STX2: variants seen among roughly 807,000 people sequenced by gnomAD.
STX2 encodes the protein syntaxin 2.
A neutral mutation model predicts 40.6 loss-of-function variants in STX2; 27 were observed. That is an observed-to-expected ratio of 0.66 (90% confidence interval 0.49 to 0.92). The LOEUF (loss-of-function observed/expected upper bound fraction) is 0.92. STX2 is among the 40% of genes least tolerant of loss of function. STX2 has a pLI of 0.00. For synonymous variants in STX2, 123 were observed against 119.1 expected (o/e 1.03, Z -0.22); for missense variants, 328 against 366.1 (o/e 0.90, Z 0.85).
intron 9 of STX2, among the ~76,000 whole-genome samples, chr12:130,797,537 G>A (rs555547899): frequency 1.1e-4 from 17 of 152,244 alleles, no homozygotes; most frequent in South Asian, 2.1e-4. Context: ...CCTGCAGCCC[G>A]GGGGTGCGTC....
intron 1 of STX2, 124 bp downstream of exon 1, chr12:130,838,946 G>A: frequency 1.1e-6 from 1 of 909,640 alleles, no homozygotes. Flanking sequence ...CCCCGCCCCA[G>A]AACGCCGGAG....
intron 1 of STX2, among the ~76,000 whole-genome samples, chr12:130,835,212 C>T (rs540036471): frequency 6.6e-6 from 1 of 152,304 alleles, no homozygotes; most frequent in South Asian, 2.1e-4. Context: ...TGGCTTGCGC[C>T]TGGGAGGTCA....
intron 2 of STX2, among the ~76,000 whole-genome samples, chr12:130,826,439 G>C (rs767233481): frequency 1.3e-5 from 2 of 152,260 alleles, no homozygotes; most frequent in South Asian, 2.1e-4. Flanking sequence ...AGCCAGCACC[G>C]GGTGGGAGAA....
intron 5 of STX2, among the ~76,000 whole-genome samples, chr12:130,808,427 C>T (rs1396948728): frequency 6.6e-6 from 1 of 152,100 alleles, no homozygotes; most frequent in Non-Finnish European, 1.5e-5. Context: ...ATTTGTATTT[C>T]TTTTCTCCAA....
chr12:130,831,676 T>C (rs1234561815), intron 1 of STX2, among the ~76,000 whole-genome samples: 1 of 152,142 alleles, frequency 6.6e-6, no homozygotes, highest in Non-Finnish European at 1.5e-5. Context: ...CTGGGCCAGT[T>C]TGTAAATATG....
intron 2 of STX2, among the ~76,000 whole-genome samples, chr12:130,822,608 G>A (rs1226455610): frequency 1.3e-5 from 2 of 151,912 alleles, no homozygotes; most frequent in African/African-American, 2.4e-5. Flanking sequence ...AAACCTCTAC[G>A]GCAGGCTGAA....
intron 9 of STX2, among the ~76,000 whole-genome samples, chr12:130,797,931 T>C (rs1951082000): frequency 6.6e-6 from 1 of 152,184 alleles, no homozygotes; most frequent in Admixed American, 6.5e-5. Context: ...TAAAAATAAA[T>C]GTTCACTGCA....
rs1320120888 is a variant in STX2, at chr12:130,818,201, T to A, written c.205+3488A>T. On this transcript the variant is annotated intron_variant, in intron 3 of 10. Transcript: ENST00000392373. ...AAAAAAAAAAATATATATATATATA[T>A]ATATATATATATATATAAAATTATC... 8.9e-3 allele frequency among the ~76,000 whole-genome samples: 1,015 copies of A among 114,402 alleles called. 40 individuals carry two copies. Among genetic ancestry groups the A allele is most frequent in the African/African-American group, 0.019 (426 of 22,858 alleles). The allele number at this position is 114,402 out of a possible 152,430, so 75.1% of individuals were successfully genotyped here.
intron 10 of STX2, among the ~76,000 whole-genome samples, chr12:130,794,272 ATCT>A (rs2137005458): frequency 6.6e-6 from 1 of 152,342 alleles, no homozygotes. Context: ...AAAATAGAAC[ATCT>A]TGCCTAATAA....
At chr12:130,797,786 TC>T (rs1157520528) in intron 9 of STX2, among the ~76,000 whole-genome samples, 1 of 152,250 alleles carries the variant, frequency 6.6e-6, no homozygotes, top group Non-Finnish European at 1.5e-5. Context: ...TAATGCAAAG[TC>T]TGTGCATCTT....
rs74531914 is a variant in STX2 at position 130,798,422 on chromosome 12, A to C, written c.786+103T>G. The stretch of plus-strand genomic sequence containing the variant: ...TTTAAAATAAAACATTTATTAATTA[A>C]TTATTTCTTGGAATACCTTTTAGGC... On this transcript the variant is annotated intron_variant, in intron 9 of 10. Coordinates refer to ENST00000392373, the MANE Select transcript of STX2 (RefSeq NM_194356.4). The C allele has an allele frequency of 1.7e-4, 106 of 641,838 alleles. No homozygotes were observed. In the African/African-American group the frequency reaches 1.9e-3, roughly 12 times the overall value. The allele number at this position is 641,838 out of a possible 1,614,324, so 39.8% of individuals were successfully genotyped here. A position where few individuals can be genotyped will look rare whatever the true frequency, so the allele number is the denominator to read the frequency against.
At chr12:130,796,170 T>G (rs752285438) in intron 9 of STX2, 50 bp from the exon 10 acceptor site, 6 of 1,607,458 alleles carry the variant, frequency 3.7e-6, no homozygotes, top group South Asian at 1.1e-5. Context: ...AATTTCATAT[T>G]GCCACATTAA....
intron 3 of STX2, among the ~76,000 whole-genome samples, chr12:130,820,652 T>C (rs1391865344): frequency 6.6e-6 from 1 of 151,376 alleles, no homozygotes; most frequent in Non-Finnish European, 1.5e-5. Context: ...TGTGACAGAG[T>C]GAGACTCCGT....
intron 9 of STX2, among the ~76,000 whole-genome samples, chr12:130,796,549 G>A (rs1951034525): frequency 6.6e-6 from 1 of 152,164 alleles, no homozygotes; most frequent in Non-Finnish European, 1.5e-5. Flanking sequence ...CTAAGTTACA[G>A]GACACTGCTT....
At chr12:130,813,163 C>T in intron 3 of STX2, 132 bp from the exon 4 acceptor site, 1 of 538,384 alleles carries the variant, frequency 1.9e-6, no homozygotes, top group Non-Finnish European at 3.0e-6. Context: ...AGAAAAACTA[C>T]CGCTTATACC....
intron 2 of STX2, among the ~76,000 whole-genome samples, chr12:130,822,419 A>T (rs1055393116): frequency 2.0e-5 from 3 of 152,174 alleles, no homozygotes; most frequent in African/African-American, 7.2e-5. Flanking sequence ...CTGTCTCAAA[A>T]AAAAAAGAAG....
intron 10 of STX2, among the ~76,000 whole-genome samples, chr12:130,794,352 G>T (rs560928313): frequency 6.6e-6 from 1 of 152,282 alleles, no homozygotes; most frequent in East Asian, 1.9e-4. Context: ...CCAAATAATG[G>T]AATGTTAACA....
intron 8 of STX2, among the ~76,000 whole-genome samples, chr12:130,800,540 G>T (rs186816348): frequency 5.9e-5 from 9 of 152,358 alleles, no homozygotes; most frequent in Admixed American, 3.3e-4. Context: ...GAAACCCCGT[G>T]TAACAGGCAC....
At position 130,812,983 on chromosome 12, in the gene STX2, G is replaced by T. The variant is rs140606447; in HGVS notation, c.254C>A (p.Ala85Glu). The T allele has an allele frequency of 1.5e-4, 225 of 1,548,320 alleles. 1 individual carries two copies. The African/African-American group carries it at 2.8e-3, about 20-fold the overall frequency. Residue 85 changes from alanine (A) to glutamate (E), a missense_variant, in exon 4 of 11, where the codon GCG becomes GAG. Transcript: ENST00000392373. ...CTTTAACTTGGCTCGAATTTTATTCGCAGTTTTCTTGATTTCTTTGTTCAG... is the reference window on the plus strand; with the variant it reads ...CTTTAACTTGGCTCGAATTTTATTCTCAGTTTTCTTGATTTCTTTGTTCAG... Reference protein sequence around the residue: ...EDLNKEIKKTANKIRAKLKAI... With the variant: ...EDLNKEIKKTENKIRAKLKAI...
Sources: gnomAD v4.1 joint callset for allele counts (sites outside exome capture counted in the v4.1 genomes callset) on GRCh38, gnomAD v4.1.1 for gene constraint, MANE v1.5 for transcripts, NCBI Gene and HGNC (gene_info 2026-07-23, HGNC 2026-07-21) for gene names.